Variants in RPS6KA2 observed in about 807,000 individuals in gnomAD.
RPS6KA2 encodes the protein ribosomal protein S6 kinase A2.
A neutral mutation model predicts 91.8 loss-of-function variants in RPS6KA2; 42 were observed. The ratio of observed to expected loss-of-function variants is 0.46; its 90% CI spans 0.36 to 0.59. The LOEUF (loss-of-function observed/expected upper bound fraction) is 0.59, where lower values mean the gene tolerates loss of function less well. Ranked by LOEUF, RPS6KA2 falls within the 20% of genes least tolerant of loss-of-function variation. The probability of loss-of-function intolerance (pLI) is 0.00; values close to 1 mark genes in which losing one functional copy is unlikely to be tolerated. For missense variants in RPS6KA2, 798 were observed against 978.5 expected, an observed-to-expected ratio of 0.82 and a Z score of 2.46; for synonymous variants, 414 against 393.6, an observed-to-expected ratio of 1.05 and a Z score of -0.61.
At chr6:166,838,261 G>T (rs1352091266) in intron 2 of RPS6KA2, among the ~76,000 whole-genome samples, 1 of 152,226 alleles carries the variant, frequency 6.6e-6, no homozygotes, top group Non-Finnish European at 1.5e-5. Context: ...ACTGAAGAAG[G>T]GTGGTCAGCC....
rs992424972 is a variant in RPS6KA2, at chr6:166,733,629, G to C, written c.123+124571C>G. 6.6e-6 allele frequency among the ~76,000 whole-genome samples: 1 copy of C among 152,094 alleles called. No homozygotes were observed. Among genetic ancestry groups the C allele is most frequent in the Admixed American group, 6.5e-5 (1 of 15,272 alleles). Reference sequence around the variant, plus strand: ...CCAGTGCCAGTCTCTTTAGGAAAAAGGTTTGGTAACACGGAGGTCACTAGC... The same window carrying C: ...CCAGTGCCAGTCTCTTTAGGAAAAACGTTTGGTAACACGGAGGTCACTAGC... On this transcript the variant is annotated intron_variant, in intron 2 of 21. Transcript: ENST00000503859. This position sits in a 1 kb window ranked among gnomAD's most constrained non-coding sequence, Gnocchi z 4.1.
rs1295651554 is a variant in RPS6KA2 at position 166,701,188 on chromosome 6, G to A, written c.123+157012C>T. 4 of 1,612,104 alleles carry A rather than the reference G, an allele frequency of 2.5e-6. No individual in the cohort carries two copies. The East Asian group carries it at 6.7e-5, about 27-fold the overall frequency. On this transcript the variant is annotated intron_variant, in intron 2 of 21. Coordinates refer to the RPS6KA2 transcript ENST00000503859. Reference sequence around the variant, plus strand: ...CAGAATTTCCTGAATTTTTCTCTGGGCAACCTGGCAAGCATAGAAGTGACC... The same window carrying A: ...CAGAATTTCCTGAATTTTTCTCTGGACAACCTGGCAAGCATAGAAGTGACC...
intron 2 of RPS6KA2, among the ~76,000 whole-genome samples, chr6:166,718,309 AT>A (rs1790077931): frequency 6.6e-6 from 1 of 152,210 alleles, no homozygotes. Flanking sequence ...AGAGGCTGGC[AT>A]GGGGGGAGGT....
chr6:166,715,681 T>C (rs917601090), intron 2 of RPS6KA2, among the ~76,000 whole-genome samples: 2 of 152,170 alleles, frequency 1.3e-5, no homozygotes, highest in African/African-American at 4.8e-5. Context: ...GGCCGGAGCC[T>C]GCACACACAC....
In RPS6KA2 at chr6:166,435,874, G is replaced by A. The variant is rs974469013; in HGVS notation, c.1333-3384C>T. On this transcript the variant is annotated intron_variant, in intron 14 of 20. Coordinates refer to ENST00000265678, the MANE Select transcript of RPS6KA2 (RefSeq NM_021135.6). The surrounding 1 kb of genome is among the most constrained non-coding windows in gnomAD (Gnocchi z 4.3). ...AAGGCGTTGCTCCTGGGGAGGCCAC[G>A]TGCTGCGTGGTTGGCGGCCCAGCCG... Among the ~76,000 whole-genome samples the A allele has an allele frequency of 2.0e-5, 3 of 152,250 alleles. No homozygotes were observed. The South Asian group carries it at 6.2e-4, about 31-fold the overall frequency.
chr6:166,839,281 G>A (rs144530397), intron 2 of RPS6KA2, among the ~76,000 whole-genome samples: 30 of 152,112 alleles, frequency 2.0e-4, no homozygotes, highest in African/African-American at 6.7e-4. Context: ...GCATTGTTCC[G>A]TGAATTCATG....
chr6:166,783,485 T>G (rs1371994578), intron 2 of RPS6KA2, among the ~76,000 whole-genome samples: 1 of 152,072 alleles, frequency 6.6e-6, no homozygotes, highest in Non-Finnish European at 1.5e-5. Context: ...GCCAATTCCT[T>G]AACAAAAGCA....
At chr6:166,475,392 TG>T (rs1780934045) in intron 10 of RPS6KA2, among the ~76,000 whole-genome samples, 2 of 152,274 alleles carry the variant, frequency 1.3e-5, no homozygotes, top group South Asian at 4.1e-4. Flanking sequence ...CACCCAGGCA[TG>T]GGGACATTGC....
chr6:166,482,880 G>A (rs1254146660), intron 10 of RPS6KA2, among the ~76,000 whole-genome samples: 1 of 152,220 alleles, frequency 6.6e-6, no homozygotes, highest in Non-Finnish European at 1.5e-5. Context: ...TCGCAGCCAT[G>A]CTACAGGACG....
chr6:166,756,642 G>A (rs183139558), intron 2 of RPS6KA2, among the ~76,000 whole-genome samples: 2 of 152,292 alleles, frequency 1.3e-5, no homozygotes, highest in East Asian at 3.9e-4. Flanking sequence ...GAGGTCAGGA[G>A]TTCGAGACCA....
At chr6:166,616,635 G>A (rs1786424393) in intron 1 of RPS6KA2, among the ~76,000 whole-genome samples, 3 of 152,184 alleles carry the variant, frequency 2.0e-5, no homozygotes, top group African/African-American at 4.8e-5. Flanking sequence ...GCTCTCAGCT[G>A]CAGGTCCATC....
intron 2 of RPS6KA2, among the ~76,000 whole-genome samples, chr6:166,653,442 C>T (rs890087743): frequency 1.8e-4 from 27 of 152,238 alleles, no homozygotes; most frequent in African/African-American, 6.5e-4. Context: ...GCCAGGCCCA[C>T]ACAGTTATTG....
At chr6:166,602,786 C>G (rs910274226) in intron 1 of RPS6KA2, among the ~76,000 whole-genome samples, 3 of 152,222 alleles carry the variant, frequency 2.0e-5, no homozygotes, top group Non-Finnish European at 4.4e-5. Context: ...TGGTGTTCAA[C>G]TGTATCGATA....
intron 11 of RPS6KA2, among the ~76,000 whole-genome samples, chr6:166,469,428 T>A (rs1421618019): frequency 6.7e-6 from 1 of 150,008 alleles, no homozygotes; most frequent in African/African-American, 2.5e-5. Context: ...GCCCTAGCAC[T>A]AAAGGGTCCT....
At chr6:166,485,182 A>G (rs1781363380) in intron 10 of RPS6KA2, among the ~76,000 whole-genome samples, 1 of 152,252 alleles carries the variant, frequency 6.6e-6, no homozygotes, top group Admixed American at 6.5e-5. Context: ...GAGGAGAGCC[A>G]CAGACACAAT....
intron 2 of RPS6KA2, among the ~76,000 whole-genome samples, chr6:166,819,533 G>C (rs1166338171): frequency 6.6e-6 from 1 of 152,176 alleles, no homozygotes; most frequent in African/African-American, 2.4e-5. Context: ...TTTTCCATCT[G>C]CATTGATAAG....
intron 2 of RPS6KA2, among the ~76,000 whole-genome samples, chr6:166,797,559 A>G (rs1182512308): frequency 1.3e-5 from 2 of 152,238 alleles, no homozygotes; most frequent in Non-Finnish European, 2.9e-5. Context: ...AATGATATTA[A>G]GAAAGTTATA....
intron 1 of RPS6KA2, among the ~76,000 whole-genome samples, chr6:166,598,650 G>A (rs1298836746): frequency 1.3e-5 from 2 of 152,162 alleles, no homozygotes; most frequent in African/African-American, 4.8e-5. Context: ...GGCTCTAAGC[G>A]CCTCTGTTTA....
intron 2 of RPS6KA2, among the ~76,000 whole-genome samples, chr6:166,762,882 C>G (rs1778215048): frequency 6.6e-6 from 1 of 152,202 alleles, no homozygotes; most frequent in Non-Finnish European, 1.5e-5. Context: ...ATAGGTGACT[C>G]TCCGTAGGTC....
Sources: allele counts gnomAD v4.1 joint callset (sites outside exome capture counted in the v4.1 genomes callset), GRCh38; gene constraint gnomAD v4.1.1; non-coding constraint Gnocchi (gnomAD v3.1); transcripts MANE v1.5; gene names NCBI Gene and HGNC (gene_info 2026-07-23, HGNC 2026-07-21).